The following HEATR5B variants were observed in gnomAD, a reference collection of about 807,000 sequenced individuals.
HEATR5B encodes HEAT repeat-containing protein 5B.
HEATR5B carries 156 observed loss-of-function variants against 224.1 expected under a neutral mutation model. That is an observed-to-expected ratio of 0.70 (90% CI 0.61 to 0.80). The LOEUF (loss-of-function observed/expected upper bound fraction) is 0.80. Ranked by LOEUF, HEATR5B falls within the 30% of genes least tolerant of loss-of-function variation. The probability of loss-of-function intolerance (pLI) is 0.00; values close to 1 mark genes in which losing one functional copy is unlikely to be tolerated. For missense variants in HEATR5B, 2,323 were observed against 2,535.5 expected, an observed-to-expected ratio of 0.92 and a Z score of 1.80; for synonymous variants, 1,027 against 893.0, an observed-to-expected ratio of 1.15 and a Z score of -2.68.
chr2:37,083,670 G>T (rs552934606), intron 1 of HEATR5B, among the ~76,000 whole-genome samples: 10 of 152,218 alleles, frequency 6.6e-5, no homozygotes, highest in African/African-American at 1.7e-4. Context: ...AAAATTAAAA[G>T]AAATTATTGC....
chr2:37,007,344 T>A (rs1431193225), intron 28 of HEATR5B, 40 bp from the exon 29 acceptor site: 1 of 1,431,360 alleles, frequency 7.0e-7, no homozygotes, highest in Non-Finnish European at 9.1e-7. Flanking sequence ...TTACTTTTTT[T>A]TTTTTTTTTT....
At chr2:37,080,508 T>C (rs1003571113) in intron 2 of HEATR5B, among the ~76,000 whole-genome samples, 4 of 152,110 alleles carry the variant, frequency 2.6e-5, no homozygotes, top group African/African-American at 9.6e-5. Flanking sequence ...CAACATGAAA[T>C]TTGAGAAAAA....
chr2:37,016,070 C>T (rs1668094290), intron 26 of HEATR5B, among the ~76,000 whole-genome samples: 1 of 150,666 alleles, frequency 6.6e-6, no homozygotes, highest in Non-Finnish European at 1.5e-5. Context: ...GGGGTGGTCT[C>T]AGAGTGTCAC....
intron 7 of HEATR5B, among the ~76,000 whole-genome samples, 184 bp downstream of exon 7, chr2:37,070,046 C>T (rs1484263378): frequency 2.6e-5 from 4 of 151,964 alleles, no homozygotes; most frequent in Non-Finnish European, 2.9e-5. Context: ...TACAGGCATG[C>T]GCCACCACAC....
Position 37,070,238 on chromosome 2 carries a change from C to T in HEATR5B, c.919G>A (p.Val307Ile). Residue 307 changes from valine to isoleucine, a missense_variant, in exon 7 of 36, where the codon GTT becomes ATT. Coordinates refer to ENST00000233099, the MANE Select transcript of HEATR5B (RefSeq NM_019024.3). ...GSVNREVRVGVTQAYVVFVTT... is the reference protein window; with the variant it reads ...GSVNREVRVGITQAYVVFVTT... ...ACATACGTGTTACAAACCTGCGTAA[C>T]TCCAACTCTCACTTCACGATTAACG... 2.5e-6 allele frequency: 4 copies of T among 1,614,010 alleles called. No individual in the cohort carries two copies. The highest frequency in any genetic ancestry group is 3.4e-6 in the Non-Finnish European group (4 of 1,179,980).
At chr2:37,005,609 T>G (rs757332212) in intron 30 of HEATR5B, 23 bp downstream of exon 30, 1 of 1,603,950 alleles carries the variant, frequency 6.2e-7, no homozygotes, top group Admixed American at 1.7e-5. Context: ...CACACAAGTA[T>G]CTATCATAGC....
At chr2:37,077,082 A>C in intron 3 of HEATR5B, 63 bp from the exon 4 acceptor site, 1 of 1,345,746 alleles carries the variant, frequency 7.4e-7, no homozygotes, top group Non-Finnish European at 1.0e-6. Flanking sequence ...TACTTTTCTC[A>C]TTTTTAGAAA....
intron 25 of HEATR5B, among the ~76,000 whole-genome samples, chr2:37,020,241 T>G (rs543128423): frequency 6.6e-6 from 1 of 152,296 alleles, no homozygotes; most frequent in South Asian, 2.1e-4. Flanking sequence ...TAAGAGTTAA[T>G]TTATCCTTCA....
chr2:37,058,180 A>T (rs1671030588), intron 14 of HEATR5B, among the ~76,000 whole-genome samples: 2 of 152,152 alleles, frequency 1.3e-5, no homozygotes, highest in Admixed American at 1.3e-4. Flanking sequence ...AAGTTTCTTT[A>T]AGTCTCTCAA....
chr2:37,032,686 A>T lies in HEATR5B; in HGVS notation c.3304T>A (p.Cys1102Ser), dbSNP rs748208666. The change falls in exon 22 of 36, where the codon TGT (cysteine) becomes AGT (serine). Residue 1102 changes from cysteine (C) to serine (S), a missense_variant. Around this residue, in one of 12 missense-constraint regions of HEATR5B, gnomAD observed 339 missense variants for 378.4 expected, o/e 0.90. Transcript: ENST00000233099. ...TTTGCCAGGCTCATGGCATATTCACATACTTCCGCTGCTTCTCTTTGTGCA... is the reference window on the plus strand; with the variant it reads ...TTTGCCAGGCTCATGGCATATTCACTTACTTCCGCTGCTTCTCTTTGTGCA... The part of the protein sequence containing the change: ...QLAQREAAEV[C>S]EYAMSLAKNT... The T allele has an allele frequency of 2.5e-6, 4 of 1,614,102 alleles. No individual in the cohort carries two copies. Among genetic ancestry groups the T allele is most frequent in the Non-Finnish European group, 3.4e-6 (4 of 1,179,998 alleles).
At chr2:37,003,030 G>A (rs867080544) in intron 31 of HEATR5B, among the ~76,000 whole-genome samples, 1 of 151,964 alleles carries the variant, frequency 6.6e-6, no homozygotes, top group African/African-American at 2.4e-5. Flanking sequence ...ATGCTGAGAT[G>A]GACGGATCAC....
At position 37,057,390 on chromosome 2, in the gene HEATR5B, AG is replaced by A. The variant is rs1296335306; in HGVS notation, c.2149del (p.Leu717SerfsTer74). 3.7e-6 allele frequency: 6 copies of A among 1,612,644 alleles called. No homozygotes were observed. The highest frequency in any genetic ancestry group is 3.4e-6 in the Non-Finnish European group (4 of 1,179,310). On this transcript the variant is annotated frameshift_variant, in exon 15 of 36. Coordinates refer to ENST00000233099, the MANE Select transcript of HEATR5B (RefSeq NM_019024.3). LOFTEE classifies it high-confidence loss of function. ...ANTTTSLLRS[L>X]CHYDDSVLLG... ...AAGAACACTATCATCATAATGGCAG[AG>A]GGATCTGAGGAGGGAAGTAGTTGTG...
Position 37,065,793 on chromosome 2 carries a change from T to C in HEATR5B, c.1295A>G (p.Asn432Ser), listed in dbSNP as rs2148573809. ...TTGAATAAGAGGGGATGCGGTGGCA[T>C]TCAAGCTCTGCACCAGGCTCCCGAG... ...QELGSLVQSL[N>S]ATASPLIQEA... The change falls in exon 9 of 36, where the codon AAT becomes AGT. Residue 432 changes from asparagine (N) to serine (S), a missense_variant. Transcript: ENST00000233099. 6.2e-7 allele frequency: 1 copy of C among 1,613,990 alleles called. No homozygotes were observed. Among genetic ancestry groups the C allele is most frequent in the Non-Finnish European group, 8.5e-7 (1 of 1,179,890 alleles).
At chr2:36,986,163 T>G (rs1166135226) in intron 35 of HEATR5B, among the ~76,000 whole-genome samples, 1 of 152,178 alleles carries the variant, frequency 6.6e-6, no homozygotes, top group Non-Finnish European at 1.5e-5. Flanking sequence ...GAATTTACAA[T>G]TAGTAAAATA....
intron 4 of HEATR5B, among the ~76,000 whole-genome samples, chr2:37,076,654 G>A (rs78940410): frequency 2.4e-3 from 344 of 143,802 alleles, no homozygotes; most frequent in Middle Eastern, 7.3e-3. Context: ...CCAAAAAAAA[G>A]AAAAAAAAAA....
intron 15 of HEATR5B, among the ~76,000 whole-genome samples, chr2:37,056,880 A>G (rs1670947008): frequency 6.6e-6 from 1 of 152,238 alleles, no homozygotes; most frequent in South Asian, 2.1e-4. Context: ...AATATACACA[A>G]GATCTTAATC....
At chr2:37,011,290 A>G (rs549503649) in intron 27 of HEATR5B, among the ~76,000 whole-genome samples, 2 of 152,334 alleles carry the variant, frequency 1.3e-5, no homozygotes, top group Non-Finnish European at 2.9e-5. Context: ...CCAGAGCAAG[A>G]GCACAAAAAC....
chr2:37,016,806 A>C (rs1411990333), intron 26 of HEATR5B, among the ~76,000 whole-genome samples: 1 of 152,226 alleles, frequency 6.6e-6, no homozygotes, highest in Non-Finnish European at 1.5e-5. Context: ...TTTTATTCTC[A>C]AAGAATTCAA....
chr2:36,984,215 A>ATAT (rs1553411492), intron 35 of HEATR5B, among the ~76,000 whole-genome samples: 39 of 77,640 alleles, frequency 5.0e-4, no homozygotes, highest in East Asian at 1.2e-3. Context: ...AAAAAAAAAA[A>ATAT]ATATATATAT....
Sources: gnomAD v4.1 joint callset for allele counts (sites outside exome capture counted in the v4.1 genomes callset) on GRCh38, gnomAD v4.1.1 for gene constraint, gnomAD v4.1.1 regional missense constraint, MANE v1.5 for transcripts, NCBI Gene and HGNC (gene_info 2026-07-23, HGNC 2026-07-21) for gene names.